Variants in GRIK3 observed in about 807,000 individuals in gnomAD.
The protein encoded by GRIK3 is glutamate receptor ionotropic, kainate 3.
In GRIK3, 29 loss-of-function variants were observed where a neutral mutation model predicts 102.5. The observed-to-expected ratio is 0.28, with a 90% CI of 0.21 to 0.39. The LOEUF (loss-of-function observed/expected upper bound fraction) is 0.39. Ranked by LOEUF, GRIK3 falls within the 10% of genes least tolerant of loss-of-function variation. The pLI, the probability that GRIK3 is intolerant of heterozygous loss-of-function variation, is 1.00. For synonymous variants in GRIK3, 511 were observed against 504.9 expected (o/e 1.01, Z -0.16); for missense variants, 908 against 1,252.4 (o/e 0.73, Z 4.15).
intron 1 of GRIK3, among the ~76,000 whole-genome samples, chr1:37,009,547 A>T (rs1642567091): frequency 6.6e-6 from 1 of 152,206 alleles, no homozygotes; most frequent in African/African-American, 2.4e-5. Context: ...CATTTAAAAA[A>T]AGAATCCACA....
In GRIK3 at chr1:36,926,712, A is replaced by G. The variant is rs577866915; in HGVS notation, c.116-35616T>C. On this transcript the variant is annotated intron_variant, in intron 1 of 15. Transcript: ENST00000373091. Reference sequence around the variant, plus strand: ...CCCTACTCCCCACTTTTTAAGCAGGATCTCCCAGGACTGTTGAAAAGGAAT... The same window carrying G: ...CCCTACTCCCCACTTTTTAAGCAGGGTCTCCCAGGACTGTTGAAAAGGAAT... Among the ~76,000 whole-genome samples the G allele has an allele frequency of 1.3e-3, 196 of 152,184 alleles. 1 individual carries two copies. The highest frequency in any genetic ancestry group is 4.4e-3 in the African/African-American group (182 of 41,506).
intron 1 of GRIK3, among the ~76,000 whole-genome samples, chr1:36,925,749 G>T (rs562245780): frequency 1.2e-4 from 19 of 152,362 alleles, no homozygotes; most frequent in African/African-American, 3.4e-4. Context: ...GCAGCAAAAG[G>T]CCATTTGGAA....
chr1:37,032,805 A>T (rs1025496437), intron 1 of GRIK3, among the ~76,000 whole-genome samples: 2 of 151,964 alleles, frequency 1.3e-5, no homozygotes, highest in Admixed American at 6.5e-5. Context: ...CCAGGAGGAG[A>T]CCCACCCGCT....
chr1:36,938,882 C>T (rs1197876225), intron 1 of GRIK3, among the ~76,000 whole-genome samples: 1 of 152,226 alleles, frequency 6.6e-6, no homozygotes, highest in Non-Finnish European at 1.5e-5. Flanking sequence ...AAGCCTGGAG[C>T]TCCCAGAGGC....
intron 10 of GRIK3, among the ~76,000 whole-genome samples, chr1:36,835,427 TTTA>T (rs1342812406): frequency 6.6e-6 from 1 of 152,188 alleles, no homozygotes; most frequent in East Asian, 1.9e-4. Flanking sequence ...TGAGACACAC[TTTA>T]TAAAGTTTTT....
chr1:36,988,314 C>T (rs1316585328), intron 1 of GRIK3, among the ~76,000 whole-genome samples: 2 of 152,254 alleles, frequency 1.3e-5, no homozygotes, highest in Admixed American at 6.5e-5. Flanking sequence ...AAACCTGAGC[C>T]TGGGCCCATC....
At chr1:36,975,288 G>GT (rs61125066) in intron 1 of GRIK3, among the ~76,000 whole-genome samples, 4,162 of 113,324 alleles carry the variant, frequency 0.037, 177 homozygotes, top group Non-Finnish European at 0.046. Flanking sequence ...TCTAAAGTTG[G>GT]TTTTTTTTTT....
intron 1 of GRIK3, among the ~76,000 whole-genome samples, chr1:36,945,955 G>A (rs1283421601): frequency 6.6e-6 from 1 of 152,174 alleles, no homozygotes; most frequent in Non-Finnish European, 1.5e-5. Context: ...ATTTCCCTAG[G>A]ATGTCAAACT....
At chr1:36,945,883 T>C (rs1021913926) in intron 1 of GRIK3, among the ~76,000 whole-genome samples, 2 of 152,204 alleles carry the variant, frequency 1.3e-5, no homozygotes, top group African/African-American at 4.8e-5. Context: ...TTCATTCCCA[T>C]GGATCCCTGC....
chr1:37,033,952 C>A, intron 1 of GRIK3, 42 bp downstream of exon 1: 1 of 1,200,082 alleles, frequency 8.3e-7, no homozygotes, highest in Non-Finnish European at 1.2e-6. Flanking sequence ...TTCCCGCCCC[C>A]TCCCGGGCGC....
At chr1:36,885,538 C>T (rs1261592452) in intron 2 of GRIK3, among the ~76,000 whole-genome samples, 1 of 152,156 alleles carries the variant, frequency 6.6e-6, no homozygotes, top group East Asian at 1.9e-4. Flanking sequence ...TTTCATTCTG[C>T]AAGAGATGCA....
chr1:36,916,742 GA>G (rs1194865615), intron 1 of GRIK3, among the ~76,000 whole-genome samples: 6 of 152,208 alleles, frequency 3.9e-5, no homozygotes, highest in Non-Finnish European at 5.9e-5. Flanking sequence ...CCTCTGCCTA[GA>G]TTTCAGAGGA....
chr1:36,876,487 T>C (rs900835978), intron 3 of GRIK3, among the ~76,000 whole-genome samples: 3 of 152,220 alleles, frequency 2.0e-5, no homozygotes, highest in African/African-American at 4.8e-5. Flanking sequence ...GTGGCAATAC[T>C]GACCCAGCAC....
chr1:37,022,209 C>CA (rs1331080164), intron 1 of GRIK3, among the ~76,000 whole-genome samples: 3 of 152,236 alleles, frequency 2.0e-5, no homozygotes, highest in Non-Finnish European at 4.4e-5. Context: ...GTGGTAAAGA[C>CA]AGAGACCTGA....
chr1:36,841,649 C>T (rs1570754614), intron 10 of GRIK3, 87 bp downstream of exon 10: 1 of 1,178,430 alleles, frequency 8.5e-7, no homozygotes, highest in Non-Finnish European at 1.3e-6. Flanking sequence ...CCTTTTTCTG[C>T]CAGGCTGCCC....
intron 1 of GRIK3, among the ~76,000 whole-genome samples, chr1:36,929,073 G>T (rs954699601): frequency 1.3e-5 from 2 of 152,150 alleles, no homozygotes; most frequent in Non-Finnish European, 1.5e-5. Flanking sequence ...TCGATTTACA[G>T]ATGAGGAAAC....
At chr1:36,933,802 T>G (rs1641623125) in intron 1 of GRIK3, among the ~76,000 whole-genome samples, 1 of 152,212 alleles carries the variant, frequency 6.6e-6, no homozygotes, top group Admixed American at 6.5e-5. Context: ...CCTTCTCTAT[T>G]TCTTCAGCTG....
chr1:36,960,197 C>A (rs527827940), intron 1 of GRIK3, among the ~76,000 whole-genome samples: 1 of 144,082 alleles, frequency 6.9e-6, no homozygotes, highest in East Asian at 2.1e-4. Context: ...GCCCCCGAGC[C>A]TCTGTGACCC....
intron 2 of GRIK3, among the ~76,000 whole-genome samples, chr1:36,886,533 A>G (rs572675134): frequency 9.9e-5 from 15 of 152,232 alleles, no homozygotes; most frequent in Non-Finnish European, 1.8e-4. Context: ...GTGATCCAAC[A>G]GCAGGAATGT....
Sources: allele counts gnomAD v4.1 joint callset (sites outside exome capture counted in the v4.1 genomes callset), GRCh38; gene constraint gnomAD v4.1.1; transcripts MANE v1.5; gene names NCBI Gene and HGNC (gene_info 2026-07-23, HGNC 2026-07-21).